SHOX: variants seen among roughly 807,000 people sequenced by gnomAD.
The protein encoded by SHOX is SHOX homeobox.
SHOX carries 12 observed loss-of-function variants against 29.6 expected under a neutral mutation model. The ratio of observed to expected loss-of-function variants is 0.41; its 90% confidence interval spans 0.26 to 0.66. The LOEUF (loss-of-function observed/expected upper bound fraction) is 0.66. SHOX is among the 30% of genes least tolerant of loss of function. The probability of loss-of-function intolerance (pLI) is 0.35; values close to 1 mark genes in which losing one functional copy is unlikely to be tolerated. For synonymous variants in SHOX, 214 were observed against 200.6 expected (o/e 1.07, Z -0.57); for missense variants, 499 against 437.7 (o/e 1.14, Z -1.25).
upstream of SHOX, among the ~76,000 whole-genome samples, chrX:629,553 G>A (rs887365040): frequency 1.4e-5 from 2 of 143,466 alleles, no homozygotes; most frequent in Non-Finnish European, 3.1e-5. Context: ...CCGTCTCTCC[G>A]TTTCTCTCTC....
rs1281922670 is a variant in SHOX, at chrX:658,561, C to T, written c.634-224C>T. ...TCTCCGCTCACTGCAAGCTCCTCTT[C>T]CCGGGTTCACGCCATTCTCCTGCCT... On this transcript the variant is annotated intron_variant, in intron 5 of 5. Coordinates refer to the SHOX transcript ENST00000334060. Among the ~76,000 whole-genome samples the T allele has an allele frequency of 4.0e-5, 6 of 151,382 alleles. No individual in the cohort carries two copies. The South Asian group carries it at 6.3e-4, about 16-fold the overall frequency.
rs1166842057 is a variant in SHOX at position 644,800 on chromosome X, C to A, written c.*164C>A. On this transcript the variant is annotated 3_prime_UTR_variant, in exon 5 of 5. Coordinates refer to ENST00000686671, the MANE Select transcript of SHOX (RefSeq NM_000451.4). ...GCCTGAGGAGGGAGGCTCCCGGGAC[C>A]GTCCACGCACGACCCAGCCAGACCC... is the stretch of plus-strand genomic sequence containing the variant. 1.1e-5 allele frequency: 10 copies of A among 925,502 alleles called. No individual in the cohort carries two copies. Among genetic ancestry groups the A allele is most frequent in the South Asian group, 2.5e-5 (1 of 39,234 alleles). The allele number at this position is 925,502 out of a possible 1,614,324, so 57.3% of individuals were successfully genotyped here.
chrX:642,289 C>A (rs1288680937), intron 4 of SHOX, among the ~76,000 whole-genome samples: 3 of 147,270 alleles, frequency 2.0e-5, no homozygotes, highest in African/African-American at 7.8e-5. Context: ...CATGCGCGGG[C>A]GGAACGGGCT....
chrX:628,825 A>C (rs1470991628), upstream of SHOX, among the ~76,000 whole-genome samples: 10 of 4,884 alleles, frequency 2.0e-3, no homozygotes, highest in African/African-American at 4.2e-3. Context: ...CTCTCTCTCC[A>C]TCTCTCTCTG....
In SHOX at chrX:634,782, G is replaced by A; in HGVS notation, c.442G>A (p.Glu148Lys). The part of the protein sequence containing the change: ...ETHYPDAFMR[E>K]ELSQRLGLSE... ...CCATTACCCCGACGCCTTCATGCGC[G>A]AGGAGCTCAGCCAGCGCCTGGGGCT... Residue 148 changes from glutamate to lysine, a missense_variant, in exon 2 of 5, where the codon GAG becomes AAG. Physicochemically the swap from Glu to Lys is moderately conservative, Grantham distance 56 (BLOSUM62 1). Transcript: ENST00000686671. 5 of 1,601,224 alleles carry A rather than the reference G, an allele frequency of 3.1e-6. No individual in the cohort carries two copies. The highest frequency in any genetic ancestry group is 2.2e-5 in the South Asian group (2 of 89,294).
In SHOX at chrX:644,416, G is replaced by T; in HGVS notation, c.659G>T (p.Gly220Val). Residue 220 changes from glycine to valine, a missense_variant, in exon 5 of 5, where the codon GGC (glycine) becomes GTC (valine). By Grantham distance (109) the Gly-to-Val change is moderately radical (BLOSUM62 -3). Coordinates refer to ENST00000686671, the MANE Select transcript of SHOX (RefSeq NM_000451.4). ...GTCCAGGCTCAGCTGCAGCTGGAAGGCGTGGCCCACGCGCACCCGCACCTG... is the reference window on the plus strand; with the variant it reads ...GTCCAGGCTCAGCTGCAGCTGGAAGTCGTGGCCCACGCGCACCCGCACCTG... ...QQVQAQLQLE[G>V]VAHAHPHLHP... 2.0e-6 allele frequency: 3 copies of T among 1,522,004 alleles called. No homozygotes were observed. Among genetic ancestry groups the T allele is most frequent in the Non-Finnish European group, 2.6e-6 (3 of 1,142,448 alleles). The allele number at this position is 1,522,004 out of a possible 1,614,324, so 94.3% of individuals were successfully genotyped here.
intron 1 of SHOX, among the ~76,000 whole-genome samples, chrX:625,098 CCTTT>C (rs1255538270): frequency 1.4e-5 from 1 of 69,844 alleles, no homozygotes; most frequent in African/African-American, 3.9e-5. Context: ...TCCCTCCTTC[CCTTT>C]CTTTCTTCTT....
In SHOX at chrX:634,601, C is replaced by T. The variant is rs1471594863; in HGVS notation, c.278-17C>T. 1.2e-6 allele frequency: 2 copies of T among 1,612,698 alleles called. No individual in the cohort carries two copies. The highest frequency in any genetic ancestry group is 2.2e-5 in the East Asian group (1 of 44,874). On this transcript the variant is annotated splice_polypyrimidine_tract_variant and intron_variant, in intron 1 of 4. Coordinates refer to ENST00000686671, the MANE Select transcript of SHOX (RefSeq NM_000451.4). ...ACCTCCCCGGCCTCAGCCCTGTGCC[C>T]TCCGCTCCCCACGCAGGGATTTATG...
chrX:655,883 A>G (rs1000141591), downstream of SHOX, among the ~76,000 whole-genome samples: 94 of 152,050 alleles, frequency 6.2e-4, 1 homozygote, highest in African/African-American at 2.2e-3. Context: ...AGAAATTGGA[A>G]AGCAAGTTAG....
In SHOX at chrX:649,526, C is replaced by T. The variant is rs112216228; in HGVS notation, c.*4890C>T. On this transcript the variant is annotated 3_prime_UTR_variant, in exon 5 of 5. Transcript: ENST00000686671. ...AATTTATGGGGTGGGTGTACGCTGG[C>T]GATTCTTGGTGCTTTTTGCTCAAAA... 0.028 allele frequency among the ~76,000 whole-genome samples: 4,260 copies of T among 152,200 alleles called. 82 individuals are homozygous for T. Among genetic ancestry groups the T allele is most frequent in the South Asian group, 0.042 (202 of 4,816 alleles).
chrX:640,518 G>C (rs774427446), intron 2 of SHOX, among the ~76,000 whole-genome samples: 3 of 152,294 alleles, frequency 2.0e-5, no homozygotes, highest in Non-Finnish European at 4.4e-5. Context: ...GGAGCTTGCA[G>C]TGAGCCGAGA....
intron 4 of SHOX, 139 bp from the exon 5 acceptor site, chrX:644,252 G>A: frequency 8.1e-6 from 9 of 1,115,212 alleles, no homozygotes; most frequent in Non-Finnish European, 1.1e-5. Flanking sequence ...AGGCGGGTGT[G>A]GGGTGGTCTC....
At chrX:641,387 C>G (rs1343230366) in intron 4 of SHOX, among the ~76,000 whole-genome samples, 1 of 151,976 alleles carries the variant, frequency 6.6e-6, no homozygotes, top group East Asian at 1.9e-4. Flanking sequence ...CTTAACGAAA[C>G]CCTGTCTATT....
chrX:658,494 G>A (rs1457476342), intron 5 of SHOX, among the ~76,000 whole-genome samples: 4 of 144,702 alleles, frequency 2.8e-5, no homozygotes, highest in Middle Eastern at 3.7e-3. Flanking sequence ...TTTTTGAGAC[G>A]GAGTCTCGCT....
In SHOX at chrX:647,022, A is replaced by G. The variant is rs1033612901; in HGVS notation, c.*2386A>G. On this transcript the variant is annotated 3_prime_UTR_variant, in exon 5 of 5. Transcript: ENST00000686671. ...TAACAGTGTGTCATCATTTCCTCCC[A>G]AGAAAAAGCTCACTCCACGTGAGTA... 5.9e-5 allele frequency among the ~76,000 whole-genome samples: 9 copies of G among 152,078 alleles called. No homozygotes were observed. Among genetic ancestry groups the G allele is most frequent in the Admixed American group, 4.6e-4 (7 of 15,262 alleles).
Position 650,654 on chromosome X carries a change from C to G in SHOX, c.*6018C>G. On this transcript the variant is annotated 3_prime_UTR_variant, in exon 5 of 5. Transcript: ENST00000686671. ...GCTCCCTTTAGCTCCACAGTTTTCC[C>G]GGGGACATAGCGAGGATGGCACACG... Among the ~76,000 whole-genome samples, 1 of 151,528 alleles carries G rather than the reference C, an allele frequency of 6.6e-6. No homozygotes were observed. The highest frequency in any genetic ancestry group is 2.0e-4 in the East Asian group (1 of 5,088).
Position 641,057 on chromosome X carries a change from C to T in SHOX, c.603C>T (p.Asn201=). The T allele has an allele frequency of 6.2e-7, 1 of 1,613,884 alleles. No homozygotes were observed. The highest frequency in any genetic ancestry group is 1.1e-5 in the South Asian group (1 of 91,052). ...CCTGCCGAGTGGCACCCTACGTCAA[C>T]ATGGGAGCCTTACGGATGCCTTTCC... is the stretch of plus-strand genomic sequence containing the variant. ...LDACRVAPYV[N]MGALRMPFQQ... Residue 201 remains asparagine (N), a synonymous_variant, in exon 4 of 5, where the codon AAC becomes AAT. Coordinates refer to ENST00000686671, the MANE Select transcript of SHOX (RefSeq NM_000451.4).
chrX:624,700 C>CTTTTCT (rs2052471152), intron 1 of SHOX: 1 of 48,172 alleles, frequency 2.1e-5, no homozygotes. Context: ...CTTCCTCTTT[C>CTTTTCT]TTTTCTTTCT....
intron 5 of SHOX, among the ~76,000 whole-genome samples, chrX:656,704 G>C (rs1005710942): frequency 6.6e-6 from 1 of 151,926 alleles, no homozygotes; most frequent in Non-Finnish European, 1.5e-5. Context: ...TTAGCCGGGC[G>C]TGGTGGCGGG....
Sources: gnomAD v4.1 joint callset for allele counts (sites outside exome capture counted in the v4.1 genomes callset) on GRCh38, gnomAD v4.1.1 for gene constraint, MANE v1.5 for transcripts, NCBI Gene and HGNC (gene_info 2026-07-23, HGNC 2026-07-21) for gene names.